PCDH12: variants seen among roughly 807,000 people sequenced by gnomAD.
PCDH12 encodes protocadherin 12.
In PCDH12, 45 loss-of-function variants were observed where a neutral mutation model predicts 70.9. The ratio of observed to expected loss-of-function variants is 0.63; its 90% CI spans 0.50 to 0.81. PCDH12 has a LOEUF of 0.81. Among genes scored for constraint, PCDH12 ranks in the 40% least tolerant of loss-of-function variants. The probability of loss-of-function intolerance (pLI) is 0.00; values close to 1 mark genes in which losing one functional copy is unlikely to be tolerated. For missense variants in PCDH12, 1,370 were observed against 1,491.7 expected, an observed-to-expected ratio of 0.92 and a Z score of 1.34; for synonymous variants, 567 against 626.0, an observed-to-expected ratio of 0.91 and a Z score of 1.41.
chr5:141,955,054 C>T lies in PCDH12; in HGVS notation c.2798G>A (p.Arg933Gln). 3 of 1,614,242 alleles carry T rather than the reference C, an allele frequency of 1.9e-6. No individual in the cohort carries two copies. Among genetic ancestry groups the T allele is most frequent in the Non-Finnish European group, 1.7e-6 (2 of 1,180,048 alleles). The change falls in exon 1 of 4, where the codon CGG (arginine) becomes CAG (glutamine). Residue 933 changes from arginine to glutamine, a missense_variant. Transcript: ENST00000231484. The surrounding 1 kb of genome is among the most constrained non-coding windows in gnomAD (Gnocchi z 5.5). ...EKESGPRQILRSLVRLSVAAF... is the reference protein window; with the variant it reads ...EKESGPRQILQSLVRLSVAAF... ...AGCCACAGACAGCCGGACCAGGCTC[C>T]GCAGGATCTGACGGGGCCCTGATTC... is the stretch of plus-strand genomic sequence containing the variant.
In PCDH12 at chr5:141,955,632, G is replaced by A. The variant is rs1487573941; in HGVS notation, c.2220C>T (p.Cys740=). Residue 740 remains cysteine (C), a synonymous_variant, in exon 1 of 4, where the codon TGC becomes TGT. Transcript: ENST00000231484. The surrounding 1 kb of genome is among the most constrained non-coding windows in gnomAD (Gnocchi z 5.5). ...GLILALFMSI[C]RTEKKDNRAY... ...CCCTGTTGTCCTTCTTTTCTGTCCG[G>A]CAGATGGACATGAACAAAGCCAGGA... 3 of 1,614,006 alleles carry A rather than the reference G, an allele frequency of 1.9e-6. No homozygotes were observed. Among genetic ancestry groups the A allele is most frequent in the African/African-American group, 2.7e-5 (2 of 74,884 alleles).
rs775992998 is a variant in PCDH12, at chr5:141,955,447, G to A, written c.2405C>T (p.Ala802Val). The A allele has an allele frequency of 9.9e-6, 16 of 1,613,960 alleles. No individual in the cohort carries two copies. Among genetic ancestry groups the A allele is most frequent in the Middle Eastern group, 1.6e-4 (1 of 6,062 alleles). The change falls in exon 1 of 4, where the codon GCG becomes GTG. Residue 802 changes from alanine (A) to valine (V), a missense_variant. By Grantham distance (64) the Ala-to-Val change is moderately conservative. Coordinates refer to ENST00000231484, the MANE Select transcript of PCDH12 (RefSeq NM_016580.4). The surrounding 1 kb of genome is among the most constrained non-coding windows in gnomAD (Gnocchi z 5.5). Reference protein sequence around the residue: ...GQSHKDVDKEAMMEAGWDPCL... With the variant: ...GQSHKDVDKEVMMEAGWDPCL... ...GGGGTCCCAGCCTGCTTCCATCATC[G>A]CCTCCTTGTCCACATCTTTGTGGGA...
chr5:141,946,090 A>C (rs1284409601), intron 3 of PCDH12, among the ~76,000 whole-genome samples: 1 of 152,062 alleles, frequency 6.6e-6, no homozygotes, highest in Non-Finnish European at 1.5e-5. Flanking sequence ...AGAATTTCCC[A>C]ATCTGGGCGT....
chr5:141,945,634 G>T lies in PCDH12; in HGVS notation c.3302C>A (p.Thr1101Lys). 6.2e-7 allele frequency: 1 copy of T among 1,614,238 alleles called. No homozygotes were observed. The highest frequency in any genetic ancestry group is 8.5e-7 in the Non-Finnish European group (1 of 1,180,040). ...GKAEAPELSP[T>K]GTRLASTFVS... ...AAAGGTGCTGGCCAGCCTCGTGCCT[G>T]TTGGGCTCAGCTCTGGTGCCTCTGC... is the stretch of plus-strand genomic sequence containing the variant. The change falls in exon 4 of 4, where the codon ACA becomes AAA. Residue 1101 changes from threonine (T) to lysine (K), a missense_variant. Thr to Lys is a moderately conservative substitution (Grantham distance 78). Coordinates refer to ENST00000231484, the MANE Select transcript of PCDH12 (RefSeq NM_016580.4).
chr5:141,945,725 C>T lies in PCDH12; in HGVS notation c.3211G>A (p.Asp1071Asn), dbSNP rs1182379831. 5 of 1,614,026 alleles carry T rather than the reference C, an allele frequency of 3.1e-6. No individual in the cohort carries two copies. Among genetic ancestry groups the T allele is most frequent in the Non-Finnish European group, 4.2e-6 (5 of 1,180,048 alleles). The change falls in exon 4 of 4, where the codon GAC (aspartate) becomes AAC (asparagine). Residue 1071 changes from aspartate to asparagine, a missense_variant. Asp to Asn is a conservative substitution (Grantham distance 23). Transcript: ENST00000231484. ...GCAGCATCCGGGGAGATCACATTGT[C>T]ACGGTAGTTGGTGGTGAGGGGCAAA... ...LSLPLTTNYR[D>N]NVISPDAAAT... is the part of the protein sequence containing the mutation.
At chr5:141,952,076 C>T (rs1281559699) in intron 1 of PCDH12, among the ~76,000 whole-genome samples, 2 of 152,180 alleles carry the variant, frequency 1.3e-5, no homozygotes, top group Non-Finnish European at 2.9e-5. Context: ...TCTTTTCATT[C>T]ATTCAACAAG....
rs942292001 is a variant in PCDH12 at position 141,958,177 on chromosome 5, G to C, written c.-326C>G. 1.1e-5 allele frequency: 3 copies of C among 282,374 alleles called. No individual in the cohort carries two copies. The highest frequency in any genetic ancestry group is 2.0e-5 in the Non-Finnish European group (3 of 149,870). 17.5% of individuals were successfully genotyped at this position (282,374 alleles called of 1,614,324 possible). A position where few individuals can be genotyped will look rare whatever the true frequency, so the allele number is the denominator to read the frequency against. ...CCTGACCCAGTTGAGCAGGATGTGGGACTCTGACTGCCAAACAGTTGCTAG... is the reference window on the plus strand; with the variant it reads ...CCTGACCCAGTTGAGCAGGATGTGGCACTCTGACTGCCAAACAGTTGCTAG... On this transcript the variant is annotated 5_prime_UTR_variant, in exon 1 of 4. Transcript: ENST00000231484.
chr5:141,945,610 A>AAGG lies in PCDH12; in HGVS notation c.3323_3325dup (p.Thr1108_Phe1109insSer). 6.2e-7 allele frequency: 1 copy of AAGG among 1,614,142 alleles called. No homozygotes were observed. The highest frequency in any genetic ancestry group is 2.2e-5 in the East Asian group (1 of 44,874). On this transcript the variant is annotated inframe_insertion, in exon 4 of 4. Coordinates refer to ENST00000231484, the MANE Select transcript of PCDH12 (RefSeq NM_016580.4). ...CAGCAGTGAGCTCATCTCCGAGACA[A>AAGG]AGGTGCTGGCCAGCCTCGTGCCTGT...
Position 141,957,186 on chromosome 5 carries a change from G to A in PCDH12, c.666C>T (p.Pro222=). 1 of 1,614,180 alleles carries A rather than the reference G, an allele frequency of 6.2e-7. No individual in the cohort carries two copies. Among genetic ancestry groups the A allele is most frequent in the Non-Finnish European group, 8.5e-7 (1 of 1,180,020 alleles). ...LVLTAYDNGN[P]PKSGTSLVKV... is the part of the protein sequence containing the mutation. ...TGACCAAGCTGGTACCTGACTTGGG[G>A]GGGTTCCCATTGTCATAGGCAGTTA... is the stretch of plus-strand genomic sequence containing the variant. The change falls in exon 1 of 4, where the codon CCC becomes CCT. Residue 222 remains proline, a synonymous_variant. Transcript: ENST00000231484. The surrounding 1 kb of genome is among the most constrained non-coding windows in gnomAD (Gnocchi z 4.3).
intron 1 of PCDH12, 123 bp downstream of exon 1, chr5:141,954,849 A>G (rs1753146624): frequency 3.9e-6 from 5 of 1,290,818 alleles, no homozygotes; most frequent in Non-Finnish European, 5.3e-6. Context: ...TACCCAAAGC[A>G]TCAGAAAGTG....
At chr5:141,948,654 A>G (rs1043652451) in intron 3 of PCDH12, among the ~76,000 whole-genome samples, 9 of 152,208 alleles carry the variant, frequency 5.9e-5, no homozygotes, top group Admixed American at 6.5e-5. Context: ...CCAAACGCCA[A>G]TGAGTGGTAA....
At chr5:141,948,259 C>T (rs1229019185) in intron 3 of PCDH12, among the ~76,000 whole-genome samples, 6 of 152,194 alleles carry the variant, frequency 3.9e-5, no homozygotes, top group Non-Finnish European at 7.3e-5. Context: ...ATAAGATTTT[C>T]TCATGAGGTA....
In PCDH12 at chr5:141,956,425, G is replaced by A. The variant is rs374775223; in HGVS notation, c.1427C>T (p.Ser476Phe). ...EVSTRENNLP[S>F]LHLITIKAHD... ...AGCCTTGATGGTAATGAGGTGAAGA[G>A]AGGGTAAGTTGTTTTCCCGCGTGGA... The change falls in exon 1 of 4, where the codon TCT becomes TTT. Residue 476 changes from serine to phenylalanine, a missense_variant. Ser to Phe is a radical substitution (Grantham distance 155, BLOSUM62 -2). Transcript: ENST00000231484. 5 of 1,614,224 alleles carry A rather than the reference G, an allele frequency of 3.1e-6. No individual in the cohort carries two copies. Among genetic ancestry groups the A allele is most frequent in the Non-Finnish European group, 4.2e-6 (5 of 1,180,040 alleles).
At position 141,944,893 on chromosome 5, in the gene PCDH12, G is replaced by C. The variant is rs1238837702; in HGVS notation, c.*488C>G. ...CAGGCCCAGTGTGACGGTCTTGCCAGGGATTGGATGACAAATAAACCCCAC... is the reference window on the plus strand; with the variant it reads ...CAGGCCCAGTGTGACGGTCTTGCCACGGATTGGATGACAAATAAACCCCAC... On this transcript the variant is annotated 3_prime_UTR_variant, in exon 4 of 4. Coordinates refer to ENST00000231484, the MANE Select transcript of PCDH12 (RefSeq NM_016580.4). 1 of 159,346 alleles carries C rather than the reference G, an allele frequency of 6.3e-6. No individual in the cohort carries two copies. Among genetic ancestry groups the C allele is most frequent in the Admixed American group, 6.1e-5 (1 of 16,474 alleles). The allele number at this position is 159,346 out of a possible 1,614,324, so 9.9% of individuals were successfully genotyped here. A position where few individuals can be genotyped will look rare whatever the true frequency, so the allele number is the denominator to read the frequency against.
chr5:141,955,972 T>G lies in PCDH12; in HGVS notation c.1880A>C (p.Asp627Ala). 1 of 1,614,150 alleles carries G rather than the reference T, an allele frequency of 6.2e-7. No homozygotes were observed. The highest frequency in any genetic ancestry group is 8.5e-7 in the Non-Finnish European group (1 of 1,180,036). The change falls in exon 1 of 4, where the codon GAC (aspartate) becomes GCC (alanine). Residue 627 changes from aspartate to alanine, a missense_variant. Physicochemically the swap from Asp to Ala is moderately radical, Grantham distance 126. Coordinates refer to ENST00000231484, the MANE Select transcript of PCDH12 (RefSeq NM_016580.4). The surrounding 1 kb of genome is among the most constrained non-coding windows in gnomAD (Gnocchi z 5.5). Reference sequence around the variant, plus strand: ...GAGGGGCTCTCCATTTGCCCCCGAGTCTGCATCTCTTGCCACAATGGTTGT... The same window carrying G: ...GAGGGGCTCTCCATTTGCCCCCGAGGCTGCATCTCTTGCCACAATGGTTGT... ...LLTTIVARDA[D>A]SGANGEPLYS... is the part of the protein sequence containing the mutation.
At position 141,955,998 on chromosome 5, in the gene PCDH12, C is replaced by T; in HGVS notation, c.1854G>A (p.Leu618=). Residue 618 remains leucine, a synonymous_variant, in exon 1 of 4, where the codon TTG becomes TTA. Coordinates refer to ENST00000231484, the MANE Select transcript of PCDH12 (RefSeq NM_016580.4). The surrounding 1 kb of genome is among the most constrained non-coding windows in gnomAD (Gnocchi z 5.5). The part of the protein sequence containing the change: ...LATHSSRPFL[L]TTIVARDADS... Reference sequence around the variant, plus strand: ...CTGCATCTCTTGCCACAATGGTTGTCAAAAGGAATGGCCGGGAGCTGTGAG... The same window carrying T: ...CTGCATCTCTTGCCACAATGGTTGTTAAAAGGAATGGCCGGGAGCTGTGAG... 2.5e-6 allele frequency: 4 copies of T among 1,614,194 alleles called. No individual in the cohort carries two copies. Among genetic ancestry groups the T allele is most frequent in the Non-Finnish European group, 3.4e-6 (4 of 1,180,044 alleles).
At chr5:141,951,451 G>A in intron 2 of PCDH12, 42 bp downstream of exon 2, 1 of 1,470,796 alleles carries the variant, frequency 6.8e-7, no homozygotes, top group Admixed American at 1.7e-5. Context: ...GGGGCGGCCA[G>A]TAGGGGCCTT....
At position 141,945,534 on chromosome 5, in the gene PCDH12, C is replaced by G; in HGVS notation, c.3402G>C (p.Glu1134Asp). The G allele has an allele frequency of 6.2e-7, 1 of 1,613,938 alleles. No homozygotes were observed. The highest frequency in any genetic ancestry group is 1.1e-5 in the South Asian group (1 of 91,072). ...RSSMPVEAASEALRRLSVCGR... is the reference protein window; with the variant it reads ...RSSMPVEAASDALRRLSVCGR... Reference sequence around the variant, plus strand: ...CGCAGACCGAGAGCCGCCGCAGCGCCTCGGAGGCGGCCTCCACGGGCATGC... The same window carrying G: ...CGCAGACCGAGAGCCGCCGCAGCGCGTCGGAGGCGGCCTCCACGGGCATGC... The change falls in exon 4 of 4, where the codon GAG becomes GAC. Residue 1134 changes from glutamate (E) to aspartate (D), a missense_variant. Coordinates refer to ENST00000231484, the MANE Select transcript of PCDH12 (RefSeq NM_016580.4).
At chr5:141,948,420 AC>A (rs1171506263) in intron 3 of PCDH12, among the ~76,000 whole-genome samples, 1 of 152,202 alleles carries the variant, frequency 6.6e-6, no homozygotes, top group African/African-American at 2.4e-5. Flanking sequence ...ATAGAAAACC[AC>A]AGCACAGGGA....
Sources: allele counts gnomAD v4.1 joint callset (sites outside exome capture counted in the v4.1 genomes callset), GRCh38; gene constraint gnomAD v4.1.1; non-coding constraint Gnocchi (gnomAD v3.1); transcripts MANE v1.5; gene names NCBI Gene and HGNC (gene_info 2026-07-23, HGNC 2026-07-21).